The following NIBAN2 variants were observed in gnomAD, a reference collection of about 807,000 sequenced individuals.
The protein encoded by NIBAN2 is niban apoptosis regulator 2.
A neutral mutation model predicts 81.8 loss-of-function variants in NIBAN2; 36 were observed. That is an observed-to-expected ratio of 0.44 (90% CI 0.34 to 0.58). The LOEUF is 0.58. Among genes scored for constraint, NIBAN2 ranks in the 20% least tolerant of loss-of-function variants. The probability of loss-of-function intolerance (pLI) is 0.02; values close to 1 mark genes in which losing one functional copy is unlikely to be tolerated. For missense variants in NIBAN2, 897 were observed against 1,014.1 expected (o/e 0.88, Z 1.57); for synonymous variants, 445 against 441.6 (o/e 1.01, Z -0.10).
chr9:127,557,812 A>G (rs1837700416), intron 1 of NIBAN2, among the ~76,000 whole-genome samples: 1 of 152,206 alleles, frequency 6.6e-6, no homozygotes, highest in Non-Finnish European at 1.5e-5. Flanking sequence ...GGTCAGGGTG[A>G]GTGAAAGGGC....
chr9:127,549,046 AATAAG>A (rs1269280715), intron 1 of NIBAN2, among the ~76,000 whole-genome samples: 9 of 152,180 alleles, frequency 5.9e-5, no homozygotes, highest in Admixed American at 5.9e-4. Flanking sequence ...GTGAGGACTA[AATAAG>A]ATGTGTGAGA....
rs201338465 is a variant in NIBAN2, at chr9:127,519,597, T to C, written c.590-1656A>G. Among the ~76,000 whole-genome samples, 12 of 152,344 alleles carry C rather than the reference T, an allele frequency of 7.9e-5. No individual in the cohort carries two copies. The East Asian group carries it at 2.1e-3, about 27-fold the overall frequency. The stretch of plus-strand genomic sequence containing the variant: ...CCCCACACCCAGCTGACCACAGAAA[T>C]CACTGCCTGTCGGAGCCGGGAGGGA... On this transcript the variant is annotated intron_variant, in intron 5 of 13. Coordinates refer to ENST00000373312, the MANE Select transcript of NIBAN2 (RefSeq NM_022833.4).
At chr9:127,537,292 C>T (rs552742566) in intron 1 of NIBAN2, among the ~76,000 whole-genome samples, 1 of 152,190 alleles carries the variant, frequency 6.6e-6, no homozygotes, top group African/African-American at 2.4e-5. Context: ...TCTGCAGGAC[C>T]GGATAGCGTT....
At position 127,506,609 on chromosome 9, in the gene NIBAN2, C is replaced by T. The variant is rs1836599595; in HGVS notation, c.*236G>A. On this transcript the variant is annotated 3_prime_UTR_variant, in exon 14 of 14. Transcript: ENST00000373312. ...CAGCCCTTGGCACAAGCAGGAAAAC[C>T]CCAAAACCAGCCCCTGCATCTGAGA... 3 of 425,752 alleles carry T rather than the reference C, an allele frequency of 7.0e-6. No individual in the cohort carries two copies. The highest frequency in any genetic ancestry group is 1.2e-5 in the Non-Finnish European group (3 of 241,674). The allele number at this position is 425,752 out of a possible 1,614,324, so 26.4% of individuals were successfully genotyped here.
chr9:127,566,589 G>A (rs958030446), intron 1 of NIBAN2, among the ~76,000 whole-genome samples: 2 of 152,126 alleles, frequency 1.3e-5, no homozygotes, highest in African/African-American at 4.8e-5. Flanking sequence ...TGCTTGGGGC[G>A]GGCACAAAGC....
intron 1 of NIBAN2, among the ~76,000 whole-genome samples, chr9:127,540,216 T>C (rs1014807846): frequency 6.6e-6 from 1 of 152,204 alleles, no homozygotes; most frequent in Non-Finnish European, 1.5e-5. Flanking sequence ...CGCTACTTCC[T>C]GTGCAGATAG....
chr9:127,551,722 A>G (rs1837580469), intron 1 of NIBAN2, among the ~76,000 whole-genome samples: 1 of 152,042 alleles, frequency 6.6e-6, no homozygotes, highest in East Asian at 1.9e-4. Flanking sequence ...TCTTAAAAAA[A>G]AAAGAAAGAA....
chr9:127,562,045 G>A (rs1019542292), intron 1 of NIBAN2, among the ~76,000 whole-genome samples: 42 of 152,174 alleles, frequency 2.8e-4, no homozygotes, highest in African/African-American at 9.4e-4. Flanking sequence ...CTCTGCCCGC[G>A]GGGAAGGAGG....
In NIBAN2 at chr9:127,527,294, G is replaced by A. The variant is rs368490986; in HGVS notation, c.215C>T (p.Ser72Leu). ...CTCCTGGTGCTGGAAGAGGTTCCCC[G>A]AGAAGACGATGCGCTCGTCCAGTGG... ...KVPLDERIVF[S>L]GNLFQHQEDS... Residue 72 changes from serine (S) to leucine (L), a missense_variant, in exon 3 of 14, where the codon TCG becomes TTG. Ser to Leu is a moderately radical substitution (Grantham distance 145, BLOSUM62 -2). Coordinates refer to ENST00000373312, the MANE Select transcript of NIBAN2 (RefSeq NM_022833.4). 241 of 1,613,744 alleles carry A rather than the reference G, an allele frequency of 1.5e-4. No homozygotes were observed. Among genetic ancestry groups the A allele is most frequent in the Non-Finnish European group, 1.9e-4 (230 of 1,179,924 alleles).
intron 5 of NIBAN2, among the ~76,000 whole-genome samples, chr9:127,521,384 C>T (rs559948352): frequency 2.0e-5 from 3 of 152,258 alleles, no homozygotes; most frequent in Non-Finnish European, 2.9e-5. Context: ...AGGGGGACCA[C>T]GGTCAGACAG....
intron 1 of NIBAN2, among the ~76,000 whole-genome samples, chr9:127,546,863 G>A (rs1837480645): frequency 6.6e-6 from 1 of 152,056 alleles, no homozygotes; most frequent in Non-Finnish European, 1.5e-5. Context: ...ACTGGGAGAA[G>A]CACAGGAGGT....
At chr9:127,509,960 A>G (rs1458106672) in intron 9 of NIBAN2, 186 bp downstream of exon 9, 1 of 453,440 alleles carries the variant, frequency 2.2e-6, no homozygotes, top group Non-Finnish European at 3.9e-6. Context: ...CTCAAACTGC[A>G]GGCCCCACGA....
chr9:127,566,213 G>A (rs1234515017), intron 1 of NIBAN2, among the ~76,000 whole-genome samples: 2 of 152,122 alleles, frequency 1.3e-5, no homozygotes, highest in Non-Finnish European at 2.9e-5. Flanking sequence ...AGATTTGTGG[G>A]GAAAATTTGG....
At chr9:127,554,004 A>G (rs1837622759) in intron 1 of NIBAN2, among the ~76,000 whole-genome samples, 2 of 152,114 alleles carry the variant, frequency 1.3e-5, no homozygotes, top group South Asian at 4.2e-4. Context: ...CCCGGCCTTC[A>G]GCACTCATCA....
chr9:127,546,352 G>A (rs572386304), intron 1 of NIBAN2, among the ~76,000 whole-genome samples: 9 of 152,108 alleles, frequency 5.9e-5, no homozygotes, highest in Non-Finnish European at 1.0e-4. Context: ...TCTCAGTCAC[G>A]TCCAGGGCCG....
chr9:127,571,436 G>C (rs1481841420), upstream of NIBAN2, among the ~76,000 whole-genome samples: 1 of 152,128 alleles, frequency 6.6e-6, no homozygotes, highest in Non-Finnish European at 1.5e-5. Flanking sequence ...AATGGCTCAC[G>C]CCTGTAATCT....
Position 127,507,305 on chromosome 9 carries a change from C to T in NIBAN2, c.1781G>A (p.Ser594Asn), listed in dbSNP as rs545428563. 8 of 1,590,170 alleles carry T rather than the reference C, an allele frequency of 5.0e-6. No homozygotes were observed. In the Admixed American group the frequency reaches 8.6e-5, roughly 17 times the overall value. Residue 594 changes from serine (S) to asparagine (N), a missense_variant, in exon 14 of 14, where the codon AGC becomes AAC. Around this residue, in one of 3 missense-constraint regions of NIBAN2, gnomAD observed 619 missense variants for 691.0 expected, o/e 0.90. Coordinates refer to ENST00000373312, the MANE Select transcript of NIBAN2 (RefSeq NM_022833.4). This position sits in a 1 kb window ranked among gnomAD's most constrained non-coding sequence, Gnocchi z 6.8. Reference protein sequence around the residue: ...GAPIDWGEEYSNSGGGGSPSP... With the variant: ...GAPIDWGEEYNNSGGGGSPSP... ...GGGGCTGCCGCCCCCGCCGCTGTTG[C>T]TGTACTCCTCGCCCCAGTCGATGGG... is the stretch of plus-strand genomic sequence containing the variant.
intron 1 of NIBAN2, among the ~76,000 whole-genome samples, chr9:127,565,408 G>A (rs933979032): frequency 1.3e-5 from 2 of 152,188 alleles, no homozygotes; most frequent in African/African-American, 4.8e-5. Flanking sequence ...TGGTGGCAAT[G>A]GTTGCGCAAT....
At position 127,517,794 on chromosome 9, in the gene NIBAN2, T is replaced by G; in HGVS notation, c.705+32A>C. ...CCCTGCTGGGTCCTTGGGTGACTTC[T>G]GAGGTTTCCTCACCAGCCCGTCTGG... is the stretch of plus-strand genomic sequence containing the variant. On this transcript the variant is annotated intron_variant, in intron 6 of 13. Coordinates refer to ENST00000373312, the MANE Select transcript of NIBAN2 (RefSeq NM_022833.4). This position sits in a 1 kb window ranked among gnomAD's most constrained non-coding sequence, Gnocchi z 4.0. 1.9e-6 allele frequency: 3 copies of G among 1,555,800 alleles called. No homozygotes were observed. The highest frequency in any genetic ancestry group is 2.7e-6 in the Non-Finnish European group (3 of 1,130,152).
Sources: gnomAD v4.1 joint callset for allele counts (sites outside exome capture counted in the v4.1 genomes callset) on GRCh38, gnomAD v4.1.1 for gene constraint, gnomAD v4.1.1 regional missense constraint, Gnocchi (gnomAD v3.1) non-coding constraint, MANE v1.5 for transcripts, NCBI Gene and HGNC (gene_info 2026-07-23, HGNC 2026-07-21) for gene names.